Variants in CMSS1 observed in about 807,000 individuals in gnomAD.
The protein encoded by CMSS1 is protein CMSS1.
Under a neutral mutation model 43.5 loss-of-function variants are expected in CMSS1, and 33 were observed. The ratio of observed to expected loss-of-function variants is 0.76; its 90% CI spans 0.57 to 1.01. CMSS1 has a LOEUF of 1.01. CMSS1 is among the 50% of genes least tolerant of loss of function. The pLI is 0.00. For synonymous variants in CMSS1, 115 were observed against 117.2 expected (o/e 0.98, Z 0.12); for missense variants, 313 against 326.4 (o/e 0.96, Z 0.32).
At chr3:100,145,498 C>T (rs2066842279) in intron 1 of CMSS1, among the ~76,000 whole-genome samples, 1 of 151,782 alleles carries the variant, frequency 6.6e-6, no homozygotes, top group African/African-American at 2.4e-5. Context: ...GAAACAGAAC[C>T]AACAGGATTA....
chr3:99,892,403 G>C (rs1305897588), intron 1 of CMSS1, among the ~76,000 whole-genome samples: 3 of 152,128 alleles, frequency 2.0e-5, no homozygotes, highest in Non-Finnish European at 4.4e-5. Context: ...CTTTGTCTAG[G>C]AAGTGTCCAG....
chr3:100,177,495 T>G (rs923489740), intron 9 of CMSS1, among the ~76,000 whole-genome samples: 2 of 152,254 alleles, frequency 1.3e-5, no homozygotes, highest in Non-Finnish European at 2.9e-5. Flanking sequence ...ATTCTGTTGC[T>G]GTCATTCTCA....
intron 1 of CMSS1, among the ~76,000 whole-genome samples, chr3:99,870,848 C>T (rs1465119957): frequency 6.6e-6 from 1 of 152,094 alleles, no homozygotes; most frequent in Admixed American, 6.5e-5. Flanking sequence ...CATTTGTGCC[C>T]CGTAAGTGCA....
At chr3:99,985,565 G>T (rs917239301) in intron 1 of CMSS1, among the ~76,000 whole-genome samples, 14 of 151,872 alleles carry the variant, frequency 9.2e-5, no homozygotes, top group Non-Finnish European at 1.9e-4. Context: ...CTTCAATCTT[G>T]TGAATTTCTT....
intron 1 of CMSS1, among the ~76,000 whole-genome samples, chr3:100,086,967 T>C (rs1342392487): frequency 6.6e-6 from 1 of 152,204 alleles, no homozygotes; most frequent in Non-Finnish European, 1.5e-5. Context: ...GTATTTTGAA[T>C]CTGGTTTCTT....
intron 1 of CMSS1, among the ~76,000 whole-genome samples, chr3:99,896,095 A>G (rs1017348639): frequency 2.0e-5 from 3 of 152,188 alleles, no homozygotes; most frequent in Non-Finnish European, 4.4e-5. Flanking sequence ...ATGTGGAATA[A>G]ACTTTTAGAA....
chr3:100,044,079 C>G (rs1342252988), intron 1 of CMSS1, among the ~76,000 whole-genome samples: 2 of 152,186 alleles, frequency 1.3e-5, no homozygotes, highest in Non-Finnish European at 2.9e-5. Flanking sequence ...CTATGACAAA[C>G]TCTGTCCTGC....
intron 1 of CMSS1, chr3:99,929,961 A>T: frequency 1.2e-6 from 2 of 1,614,152 alleles, no homozygotes; most frequent in Non-Finnish European, 1.7e-6. Context: ...TGACAAACCC[A>T]TACTGAGCTT....
chr3:100,060,027 G>T (rs1275527994), intron 1 of CMSS1, among the ~76,000 whole-genome samples: 1 of 151,592 alleles, frequency 6.6e-6, no homozygotes, highest in African/African-American at 2.4e-5. Context: ...TTTTCCTGCT[G>T]GAGGAGGACG....
chr3:99,921,178 A>C (rs1007706589), intron 1 of CMSS1, among the ~76,000 whole-genome samples: 7 of 152,166 alleles, frequency 4.6e-5, no homozygotes, highest in African/African-American at 1.7e-4. Flanking sequence ...CACTCAGTGA[A>C]GTTGGAAGGA....
chr3:99,925,588 T>A lies in CMSS1; in HGVS notation c.64+107545T>A, dbSNP rs115547610. On this transcript the variant is annotated intron_variant, in intron 1 of 9. Coordinates refer to ENST00000421999, the MANE Select transcript of CMSS1 (RefSeq NM_032359.4). ...ACTTCCAGCAGTAGTTTAAAAAAAA[T>A]TTTTGATTAACAAAAGTAGGGATTC... is the stretch of plus-strand genomic sequence containing the variant. Among the ~76,000 whole-genome samples the A allele has an allele frequency of 4.2e-3, 632 of 152,200 alleles. 3 individuals carry two copies. The highest frequency in any genetic ancestry group is 0.013 in the African/African-American group (543 of 41,524).
intron 1 of CMSS1, among the ~76,000 whole-genome samples, chr3:100,055,287 T>G (rs1234075310): frequency 6.6e-6 from 1 of 152,200 alleles, no homozygotes; most frequent in Non-Finnish European, 1.5e-5. Flanking sequence ...CCTCAGTATC[T>G]TTAGCATTAC....
chr3:99,955,542 C>T (rs1708297054), intron 1 of CMSS1, among the ~76,000 whole-genome samples: 2 of 152,112 alleles, frequency 1.3e-5, no homozygotes, highest in Non-Finnish European at 2.9e-5. Flanking sequence ...CCCAGCAATG[C>T]TTGAGAACTC....
chr3:100,059,425 G>C (rs1299946320), intron 1 of CMSS1, among the ~76,000 whole-genome samples: 1 of 152,060 alleles, frequency 6.6e-6, no homozygotes, highest in Non-Finnish European at 1.5e-5. Context: ...GCTTTCCCCT[G>C]CTTCTTCACT....
At chr3:99,820,256 G>A (rs1942409799) in intron 1 of CMSS1, among the ~76,000 whole-genome samples, 1 of 151,160 alleles carries the variant, frequency 6.6e-6, no homozygotes, top group Non-Finnish European at 1.5e-5. Flanking sequence ...GAGTACAGTG[G>A]TGCGATCTCA....
chr3:99,926,360 G>A (rs927278928), intron 1 of CMSS1, among the ~76,000 whole-genome samples: 1 of 152,226 alleles, frequency 6.6e-6, no homozygotes, highest in Admixed American at 6.5e-5. Flanking sequence ...CTGCTATGTT[G>A]TATTGCCTGC....
intron 1 of CMSS1, among the ~76,000 whole-genome samples, chr3:100,004,740 G>T (rs541896727): frequency 6.6e-6 from 1 of 152,270 alleles, no homozygotes; most frequent in Non-Finnish European, 1.5e-5. Flanking sequence ...AGGTAGGATT[G>T]GTGGGTTTAA....
chr3:100,005,959 T>A (rs776605441), intron 1 of CMSS1, among the ~76,000 whole-genome samples: 19 of 152,172 alleles, frequency 1.2e-4, no homozygotes, highest in Non-Finnish European at 1.9e-4. Flanking sequence ...CTATTGCTTT[T>A]TCAATCCACA....
chr3:99,838,489 C>T (rs1171298113), intron 1 of CMSS1, among the ~76,000 whole-genome samples: 1 of 152,154 alleles, frequency 6.6e-6, no homozygotes, highest in African/African-American at 2.4e-5. Context: ...GGAGAAAGCC[C>T]TGCATATGTT....
Sources: allele counts gnomAD v4.1 joint callset (sites outside exome capture counted in the v4.1 genomes callset), GRCh38; gene constraint gnomAD v4.1.1; transcripts MANE v1.5; gene names NCBI Gene and HGNC (gene_info 2026-07-23, HGNC 2026-07-21).